The following CPS1 variants were observed in gnomAD, a reference collection of about 807,000 sequenced individuals.
CPS1 encodes carbamoyl-phosphate synthase [ammonia], mitochondrial.
A neutral mutation model predicts 174.6 loss-of-function variants in CPS1; 109 were observed. That is an observed-to-expected ratio of 0.62 (90% confidence interval 0.53 to 0.73). CPS1 has a LOEUF of 0.73. Ranked by LOEUF, CPS1 falls within the 30% of genes least tolerant of loss-of-function variation. The probability of loss-of-function intolerance (pLI) is 0.00; values close to 1 mark genes in which losing one functional copy is unlikely to be tolerated. For missense variants in CPS1, 1,689 were observed against 1,821.9 expected (o/e 0.93, Z 1.33); for synonymous variants, 637 against 632.0 (o/e 1.01, Z -0.12).
chr2:210,614,821 G>T (rs528879862), intron 20 of CPS1, among the ~76,000 whole-genome samples: 2 of 151,878 alleles, frequency 1.3e-5, no homozygotes, highest in East Asian at 3.9e-4. Flanking sequence ...ACTCATAAGT[G>T]GGAGTGGAAC....
intron 1 of CPS1, among the ~76,000 whole-genome samples, chr2:210,518,885 T>G (rs1460183699): frequency 6.6e-6 from 1 of 152,002 alleles, no homozygotes; most frequent in East Asian, 1.9e-4. Flanking sequence ...TTTACCAAAT[T>G]CAGCTCATTA....
chr2:210,586,838 A>G (rs770726787), intron 6 of CPS1, among the ~76,000 whole-genome samples: 21 of 152,062 alleles, frequency 1.4e-4, no homozygotes, highest in Middle Eastern at 3.2e-3. Flanking sequence ...AGGAGATTAC[A>G]TATATTTTGT....
chr2:210,566,947 T>C (rs1697324456), intron 1 of CPS1, among the ~76,000 whole-genome samples: 1 of 152,152 alleles, frequency 6.6e-6, no homozygotes, highest in South Asian at 2.1e-4. Flanking sequence ...GTAAGATACC[T>C]TTCCCAGAAC....
At chr2:210,675,488 T>C (rs984488387) in intron 35 of CPS1, among the ~76,000 whole-genome samples, 1 of 152,214 alleles carries the variant, frequency 6.6e-6, no homozygotes, top group Non-Finnish European at 1.5e-5. Context: ...ATTAAACATA[T>C]AATTATTAAA....
intron 16 of CPS1, among the ~76,000 whole-genome samples, chr2:210,603,051 A>G (rs1269321000): frequency 2.0e-5 from 3 of 151,984 alleles, no homozygotes; most frequent in Non-Finnish European, 4.4e-5. Context: ...CTCCAGGAAA[A>G]CAGAGACTTT....
At chr2:210,532,919 G>A (rs970043977) in intron 1 of CPS1, among the ~76,000 whole-genome samples, 1 of 152,124 alleles carries the variant, frequency 6.6e-6, no homozygotes, top group South Asian at 2.1e-4. Flanking sequence ...GGGTCTCCTA[G>A]GTTAAACAGG....
chr2:210,542,395 A>G (rs1399926956), intron 1 of CPS1, among the ~76,000 whole-genome samples: 5 of 152,114 alleles, frequency 3.3e-5, no homozygotes, highest in Admixed American at 6.6e-5. Flanking sequence ...CCAACCTTCA[A>G]TTGAAAAGTC....
At chr2:210,564,436 T>C (rs1479073909) in intron 1 of CPS1, among the ~76,000 whole-genome samples, 1 of 152,030 alleles carries the variant, frequency 6.6e-6, no homozygotes, top group Non-Finnish European at 1.5e-5. Context: ...AGTGCAGTGC[T>C]GCGATCTCGG....
intron 1 of CPS1, among the ~76,000 whole-genome samples, chr2:210,506,598 G>A (rs989760013): frequency 3.3e-5 from 5 of 152,084 alleles, no homozygotes; most frequent in East Asian, 1.9e-4. Context: ...GAGGAAGTTC[G>A]AACCCATGGC....
chr2:210,578,921 C>G (rs1478291953), intron 4 of CPS1, among the ~76,000 whole-genome samples: 2 of 152,108 alleles, frequency 1.3e-5, no homozygotes. Flanking sequence ...GTAAGCCTAA[C>G]CAACGGCTTG....
Position 210,577,526 on chromosome 2 carries a change from G to A in CPS1, c.471+16G>A. 1 of 1,583,740 alleles carries A rather than the reference G, an allele frequency of 6.3e-7. No individual in the cohort carries two copies. Among genetic ancestry groups the A allele is most frequent in the Non-Finnish European group, 8.7e-7 (1 of 1,152,374 alleles). ...GGAAGAAAAGGTAAGAAATGTAATAGGGCATCCATCATCACCTAAGGAAGG... is the reference window on the plus strand; with the variant it reads ...GGAAGAAAAGGTAAGAAATGTAATAAGGCATCCATCATCACCTAAGGAAGG... On this transcript the variant is annotated intron_variant, in intron 4 of 37. Transcript: ENST00000233072.
intron 1 of CPS1, among the ~76,000 whole-genome samples, chr2:210,544,864 T>C (rs532508712): frequency 1.3e-5 from 2 of 152,076 alleles, no homozygotes; most frequent in Non-Finnish European, 2.9e-5. Flanking sequence ...ACGTTGACTT[T>C]GAGAATTTCT....
chr2:210,678,230 G>C lies in CPS1; in HGVS notation c.*245G>C. 1 of 552,260 alleles carries C rather than the reference G, an allele frequency of 1.8e-6. No homozygotes were observed. Among genetic ancestry groups the C allele is most frequent in the South Asian group, 1.9e-5 (1 of 51,286 alleles). 34.2% of individuals were successfully genotyped at this position (552,260 alleles called of 1,614,324 possible). ...ATTTACTAATACTGTATTTTTGGTG[G>C]ACTAGGCTTGCCTATGTGCTTATGT... On this transcript the variant is annotated 3_prime_UTR_variant, in exon 38 of 38. Coordinates refer to ENST00000233072, the MANE Select transcript of CPS1 (RefSeq NM_001875.5).
chr2:210,556,519 G>T, upstream of CPS1: 1 of 1,419,402 alleles, frequency 7.0e-7, no homozygotes, highest in Non-Finnish European at 9.5e-7. Flanking sequence ...GAACATCTCT[G>T]GACATTACCT....
At position 210,498,470 on chromosome 2, in the gene CPS1, G is replaced by A. The variant is rs184692172; in HGVS notation, c.3+20704G>A. 2.8e-4 allele frequency among the ~76,000 whole-genome samples: 43 copies of A among 152,198 alleles called. 1 individual carries two copies. The highest frequency in any genetic ancestry group is 8.7e-4 in the African/African-American group (36 of 41,538). ...TTGGTTCTCAGCTTGAGTGTTATTG[G>A]TGTATGGAAATGCTAGTGAGTTTTG... On this transcript the variant is annotated intron_variant, in intron 1 of 38. Transcript: ENST00000430249.
chr2:210,679,047 T>C lies in CPS1; in HGVS notation c.*1062T>C, dbSNP rs1293932003. ...GGGCAGCCTTTGTTACTTTTAAATA[T>C]TTTCTGTTATTACAAGTGCTCTAAT... is the stretch of plus-strand genomic sequence containing the variant. On this transcript the variant is annotated 3_prime_UTR_variant, in exon 38 of 38. Coordinates refer to ENST00000233072, the MANE Select transcript of CPS1 (RefSeq NM_001875.5). 1 of 152,188 alleles carries C rather than the reference T, an allele frequency of 6.6e-6. No homozygotes were observed. Among genetic ancestry groups the C allele is most frequent in the Non-Finnish European group, 1.5e-5 (1 of 68,032 alleles). The allele number at this position is 152,188 out of a possible 1,614,324, so 9.4% of individuals were successfully genotyped here. A position where few individuals can be genotyped will look rare whatever the true frequency, so the allele number is the denominator to read the frequency against.
intron 1 of CPS1, among the ~76,000 whole-genome samples, chr2:210,547,328 A>G (rs536809895): frequency 1.3e-5 from 2 of 152,268 alleles, no homozygotes; most frequent in South Asian, 4.1e-4. Context: ...AGTTAGCTAC[A>G]AAGACAATTT....
At chr2:210,482,323 T>A (rs1322810773) in intron 1 of CPS1, among the ~76,000 whole-genome samples, 4 of 151,932 alleles carry the variant, frequency 2.6e-5, no homozygotes, top group Non-Finnish European at 4.4e-5. Context: ...TTTTTTTCTT[T>A]TGAGATGGAG....
intron 17 of CPS1, among the ~76,000 whole-genome samples, chr2:210,605,644 T>C (rs368114030): frequency 1.5e-4 from 23 of 152,002 alleles, no homozygotes; most frequent in African/African-American, 3.6e-4. Context: ...AGTACACTAG[T>C]TAGATAAGAG....
Sources: allele counts gnomAD v4.1 joint callset (sites outside exome capture counted in the v4.1 genomes callset), GRCh38; gene constraint gnomAD v4.1.1; transcripts MANE v1.5; gene names NCBI Gene and HGNC (gene_info 2026-07-23, HGNC 2026-07-21).